Variants in PCDH15 observed in about 807,000 individuals in gnomAD.
PCDH15 encodes the protein protocadherin-15.
PCDH15 carries 129 observed loss-of-function variants against 178.5 expected under a neutral mutation model. The observed-to-expected ratio is 0.72, with a 90% CI of 0.63 to 0.84. The LOEUF is 0.84. PCDH15 is among the 40% of genes least tolerant of loss of function. PCDH15 has a pLI of 0.00. For missense variants in PCDH15, 2,230 were observed against 2,099.9 expected, an observed-to-expected ratio of 1.06 and a Z score of -1.21; for synonymous variants, 800 against 732.0, an observed-to-expected ratio of 1.09 and a Z score of -1.50.
intron 3 of PCDH15, among the ~76,000 whole-genome samples, chr10:54,886,365 T>C (rs1954359458): frequency 1.3e-5 from 2 of 152,194 alleles, no homozygotes; most frequent in South Asian, 4.1e-4. Flanking sequence ...ATGTCTAATA[T>C]CTGAATTAAG....
intron 21 of PCDH15, among the ~76,000 whole-genome samples, chr10:53,991,035 A>T (rs570430673): frequency 7.2e-5 from 11 of 152,192 alleles, no homozygotes; most frequent in Non-Finnish European, 1.5e-4. Context: ...GCCAGGCCTC[A>T]GCCACCTCCC....
At chr10:55,167,814 C>A (rs920258992) in intron 1 of PCDH15, among the ~76,000 whole-genome samples, 3 of 151,888 alleles carry the variant, frequency 2.0e-5, no homozygotes, top group Admixed American at 6.6e-5. Context: ...TTGTGATCTG[C>A]TGAATAAGTG....
chr10:53,913,635 T>TCGGGAGGCTGAGG lies in PCDH15; in HGVS notation c.3374-10278_3374-10266dup, dbSNP rs547077022. 5.9e-3 allele frequency among the ~76,000 whole-genome samples: 892 copies of TCGGGAGGCTGAGG among 149,972 alleles called. 4 individuals are homozygous for TCGGGAGGCTGAGG. Among genetic ancestry groups the TCGGGAGGCTGAGG allele is most frequent in the Non-Finnish European group, 9.8e-3 (659 of 67,568 alleles). Reference sequence around the variant, plus strand: ...GGTGGGCGTCTGTATTCCCAGCTACTCGGGAGGCTGAGGCAGGAGAATGGC... The same window carrying TCGGGAGGCTGAGG: ...GGTGGGCGTCTGTATTCCCAGCTACTCGGGAGGCTGAGGCGGGAGGCTGAGGCAGGAGAATGGC... On this transcript the variant is annotated intron_variant, in intron 25 of 37. Coordinates refer to ENST00000644397, the MANE Select transcript of PCDH15 (RefSeq NM_001384140.1).
intron 3 of PCDH15, among the ~76,000 whole-genome samples, chr10:54,818,487 A>G (rs1952983308): frequency 6.6e-6 from 1 of 151,978 alleles, no homozygotes; most frequent in Non-Finnish European, 1.5e-5. Context: ...AGAGGAAGTG[A>G]CTGTAATTTC....
intron 3 of PCDH15, among the ~76,000 whole-genome samples, chr10:54,836,218 CTCTA>C (rs1953313469): frequency 6.6e-6 from 1 of 152,156 alleles, no homozygotes. Context: ...CAGAGTCTAA[CTCTA>C]TCTGACAGAT....
intron 2 of PCDH15, among the ~76,000 whole-genome samples, chr10:55,488,096 C>T (rs940073505): frequency 6.6e-6 from 1 of 151,490 alleles, no homozygotes; most frequent in Non-Finnish European, 1.5e-5. Context: ...TAAAACACTG[C>T]CAATTTATGC....
At chr10:54,483,686 C>A (rs547801157) in intron 3 of PCDH15, among the ~76,000 whole-genome samples, 58 of 151,856 alleles carry the variant, frequency 3.8e-4, no homozygotes, top group African/African-American at 1.3e-3. Context: ...TATACTTTGT[C>A]CACTCCATTT....
chr10:53,841,666 T>C (rs939558936), intron 28 of PCDH15, among the ~76,000 whole-genome samples: 11 of 152,214 alleles, frequency 7.2e-5, no homozygotes, highest in Non-Finnish European at 1.5e-4. Flanking sequence ...GTCTGTCTTA[T>C]TGAAGTACTA....
chr10:55,395,637 A>C (rs1837909366), intron 2 of PCDH15, among the ~76,000 whole-genome samples: 1 of 152,076 alleles, frequency 6.6e-6, no homozygotes, highest in Non-Finnish European at 1.5e-5. Flanking sequence ...TGTACAATTT[A>C]GAATAGGAGC....
At chr10:54,360,183 A>G (rs1257065028) in intron 5 of PCDH15, among the ~76,000 whole-genome samples, 1 of 152,068 alleles carries the variant, frequency 6.6e-6, no homozygotes, top group Non-Finnish European at 1.5e-5. Flanking sequence ...AGATCGCCAC[A>G]TCAGGAAAAT....
chr10:54,238,767 T>C (rs2054915603), intron 8 of PCDH15, among the ~76,000 whole-genome samples: 1 of 148,740 alleles, frequency 6.7e-6, no homozygotes, highest in Non-Finnish European at 1.5e-5. Flanking sequence ...CTCCCTAAAC[T>C]GAAAAAAAAA....
At chr10:54,068,245 T>C (rs1183725746) in intron 17 of PCDH15, among the ~76,000 whole-genome samples, 1 of 152,186 alleles carries the variant, frequency 6.6e-6, no homozygotes, top group African/African-American at 2.4e-5. Flanking sequence ...CAGTAGTCAC[T>C]TAATAATTAC....
chr10:54,287,502 C>T lies in PCDH15; in HGVS notation c.876+29769G>A, dbSNP rs369965110. Among the ~76,000 whole-genome samples, 9 of 152,040 alleles carry T rather than the reference C, an allele frequency of 5.9e-5. No individual in the cohort carries two copies. In the South Asian group the frequency reaches 8.3e-4, roughly 14 times the overall value. ...TACTTTGGTGGGCCAGGAGTCCTGC[C>T]GAGAAGAATATTGATGTCTCTCTCA... is the stretch of plus-strand genomic sequence containing the variant. On this transcript the variant is annotated intron_variant, in intron 8 of 37. Transcript: ENST00000644397.
chr10:54,814,959 T>C (rs1365627735), intron 3 of PCDH15, among the ~76,000 whole-genome samples: 1 of 152,100 alleles, frequency 6.6e-6, no homozygotes, highest in Non-Finnish European at 1.5e-5. Context: ...TACTTTTCAG[T>C]TAAATAGTTA....
At chr10:54,279,855 G>A (rs1381654281) in intron 8 of PCDH15, among the ~76,000 whole-genome samples, 1 of 151,620 alleles carries the variant, frequency 6.6e-6, no homozygotes, top group Non-Finnish European at 1.5e-5. Context: ...GTAGACATCT[G>A]GTTTATCAGA....
At chr10:54,082,391 G>C (rs762470483) in intron 16 of PCDH15, among the ~76,000 whole-genome samples, 17 of 152,134 alleles carry the variant, frequency 1.1e-4, no homozygotes, top group Non-Finnish European at 2.4e-4. Context: ...AAAGTGTACT[G>C]GGGAATACAG....
At chr10:55,403,184 T>C (rs1838114899) in intron 2 of PCDH15, among the ~76,000 whole-genome samples, 1 of 151,932 alleles carries the variant, frequency 6.6e-6, no homozygotes, top group Admixed American at 6.6e-5. Context: ...CCTAGTTTTT[T>C]ATGGGAATAT....
At chr10:54,623,271 G>T (rs1024542376) in intron 2 of PCDH15, among the ~76,000 whole-genome samples, 14 of 152,032 alleles carry the variant, frequency 9.2e-5, no homozygotes, top group Non-Finnish European at 1.5e-4. Context: ...TCCTTTGGCG[G>T]CAGAAGCTCT....
At chr10:54,178,860 A>G (rs572800881) in intron 13 of PCDH15, among the ~76,000 whole-genome samples, 178 of 152,274 alleles carry the variant, frequency 1.2e-3, no homozygotes, top group African/African-American at 4.0e-3. Flanking sequence ...AATCAAAACC[A>G]CAATGAGATA....
Sources: gnomAD v4.1 joint callset for allele counts (sites outside exome capture counted in the v4.1 genomes callset) on GRCh38, gnomAD v4.1.1 for gene constraint, MANE v1.5 for transcripts, NCBI Gene and HGNC (gene_info 2026-07-23, HGNC 2026-07-21) for gene names.